The following PDE1C variants were observed in gnomAD, a reference collection of about 807,000 sequenced individuals.
PDE1C encodes the protein phosphodiesterase 1C, also known as dual specificity calcium/calmodulin-dependent 3',5'-cyclic nucleotide phosphodiesterase 1C.
A neutral mutation model predicts 93.1 loss-of-function variants in PDE1C; 62 were observed. The ratio of observed to expected loss-of-function variants is 0.67; its 90% confidence interval spans 0.54 to 0.82. The LOEUF is 0.82. PDE1C is among the 40% of genes least tolerant of loss of function. The pLI is 0.00. For synonymous variants in PDE1C, 325 were observed against 310.1 expected, an observed-to-expected ratio of 1.05 and a Z score of -0.50; for missense variants, 742 against 884.6, an observed-to-expected ratio of 0.84 and a Z score of 2.04.
At chr7:32,344,555 G>A (rs1467909765) in intron 1 of PDE1C, among the ~76,000 whole-genome samples, 1 of 151,990 alleles carries the variant, frequency 6.6e-6, no homozygotes, top group African/African-American at 2.4e-5. Context: ...ACTAACTGAG[G>A]CCTCTCCCTT....
intron 2 of PDE1C, among the ~76,000 whole-genome samples, chr7:31,928,543 G>T (rs1300062961): frequency 6.6e-6 from 1 of 152,148 alleles, no homozygotes; most frequent in Non-Finnish European, 1.5e-5. Flanking sequence ...GAAAGGTCAG[G>T]TTACTTACAA....
chr7:31,937,843 A>G (rs1805302450), intron 2 of PDE1C, among the ~76,000 whole-genome samples: 1 of 152,204 alleles, frequency 6.6e-6, no homozygotes, highest in Non-Finnish European at 1.5e-5. Flanking sequence ...ATAAACATGA[A>G]AACTACACAT....
At chr7:31,801,701 GACA>G (rs1786070217) in intron 16 of PDE1C, among the ~76,000 whole-genome samples, 1 of 151,430 alleles carries the variant, frequency 6.6e-6, no homozygotes, top group Non-Finnish European at 1.5e-5. Context: ...TTGATAAACA[GACA>G]ACATTATCAT....
intron 2 of PDE1C, among the ~76,000 whole-genome samples, chr7:31,970,821 T>C (rs1810849691): frequency 6.6e-6 from 1 of 152,190 alleles, no homozygotes. Flanking sequence ...AATGTTTGTT[T>C]TCCATGTTGA....
chr7:32,023,685 C>T (rs1789019771), intron 2 of PDE1C, among the ~76,000 whole-genome samples: 1 of 151,686 alleles, frequency 6.6e-6, no homozygotes. Context: ...CATATGATTC[C>T]ATTTAAAAAA....
intron 2 of PDE1C, among the ~76,000 whole-genome samples, chr7:31,969,929 G>A (rs1810671980): frequency 6.6e-6 from 1 of 152,086 alleles, no homozygotes; most frequent in Non-Finnish European, 1.5e-5. Context: ...ACTCATAGGT[G>A]GGAATTGAAC....
chr7:31,919,379 GATA>G (rs920823119), intron 2 of PDE1C, among the ~76,000 whole-genome samples: 20 of 152,106 alleles, frequency 1.3e-4, no homozygotes, highest in Non-Finnish European at 5.9e-5. Flanking sequence ...AAATGGGAGT[GATA>G]ATAATAAGAA....
intron 1 of PDE1C, among the ~76,000 whole-genome samples, chr7:32,348,576 GAT>G (rs1387243551): frequency 6.6e-6 from 1 of 151,938 alleles, no homozygotes; most frequent in Non-Finnish European, 1.5e-5. Flanking sequence ...TGTTAGCCAG[GAT>G]GGTCTTGATC....
intron 1 of PDE1C, among the ~76,000 whole-genome samples, chr7:32,346,747 T>C (rs1783860908): frequency 6.6e-6 from 1 of 152,158 alleles, no homozygotes; most frequent in African/African-American, 2.4e-5. Flanking sequence ...CACCATGCAG[T>C]AACAAAGAGG....
intron 2 of PDE1C, among the ~76,000 whole-genome samples, chr7:32,042,177 G>A (rs1266681112): frequency 6.6e-6 from 1 of 152,196 alleles, no homozygotes; most frequent in Non-Finnish European, 1.5e-5. Flanking sequence ...GCATGCACCT[G>A]TAATCTCAGC....
intron 3 of PDE1C, among the ~76,000 whole-genome samples, chr7:32,107,644 G>T (rs1162165838): frequency 6.6e-6 from 1 of 152,046 alleles, no homozygotes. Context: ...TACCTTGCCA[G>T]AAATGTTAAA....
the PDE1C span, among the ~76,000 whole-genome samples, chr7:31,634,675 G>A: frequency 1.3e-5 from 2 of 152,162 alleles, no homozygotes; most frequent in African/African-American, 4.8e-5. Context: ...GGGGGAACCA[G>A]CAGTCTAAGG....
chr7:32,334,684 A>G (rs1270383839), intron 1 of PDE1C, among the ~76,000 whole-genome samples: 1 of 113,136 alleles, frequency 8.8e-6, no homozygotes, highest in Non-Finnish European at 1.8e-5. Flanking sequence ...TTGATGATTT[A>G]GGGAAAGGTC....
chr7:32,242,725 G>A (rs1202697165), intron 1 of PDE1C, among the ~76,000 whole-genome samples: 1 of 152,178 alleles, frequency 6.6e-6, no homozygotes, highest in Non-Finnish European at 1.5e-5. Flanking sequence ...AAGCAGCCAT[G>A]AGAAGGGAGA....
At chr7:32,228,378 T>A (rs1807447327) in intron 1 of PDE1C, among the ~76,000 whole-genome samples, 1 of 152,226 alleles carries the variant, frequency 6.6e-6, no homozygotes, top group Admixed American at 6.5e-5. Context: ...ACCTGGGACC[T>A]GCATAGTCCT....
At chr7:32,304,049 C>T (rs142555161), upstream of PDE1C, among the ~76,000 whole-genome samples, 18 of 152,218 alleles carry the variant, frequency 1.2e-4, no homozygotes, top group African/African-American at 4.1e-4. Context: ...TTTTCTTAAT[C>T]CAGACTACCA....
chr7:31,881,677 C>T (rs191749659), intron 2 of PDE1C, among the ~76,000 whole-genome samples: 7 of 152,218 alleles, frequency 4.6e-5, no homozygotes, highest in African/African-American at 1.4e-4. Context: ...ACTTTGAAGA[C>T]GAACTGGGGT....
intron 2 of PDE1C, among the ~76,000 whole-genome samples, chr7:31,919,302 C>G (rs35058858): frequency 0.14 from 20,546 of 152,122 alleles, 1,619 homozygotes; most frequent in South Asian, 0.18. Flanking sequence ...ACCACCTCTG[C>G]CACTGACGAG....
intron 2 of PDE1C, among the ~76,000 whole-genome samples, chr7:32,012,268 G>A (rs1787240176): frequency 6.6e-6 from 1 of 151,462 alleles, no homozygotes. Flanking sequence ...AGAAGGTGAA[G>A]GAAGAAGTCA....
Sources: allele counts gnomAD v4.1 joint callset (sites outside exome capture counted in the v4.1 genomes callset), GRCh38; gene constraint gnomAD v4.1.1; transcripts MANE v1.5; gene names NCBI Gene and HGNC (gene_info 2026-07-23, HGNC 2026-07-21).